The following SCNN1B variants were observed in gnomAD, a reference collection of about 807,000 sequenced individuals.
SCNN1B encodes sodium channel epithelial 1 subunit beta.
Under a neutral mutation model 65.3 loss-of-function variants are expected in SCNN1B, and 46 were observed. That is an observed-to-expected ratio of 0.70 (90% CI 0.56 to 0.90). The LOEUF (loss-of-function observed/expected upper bound fraction) is 0.90. SCNN1B is among the 40% of genes least tolerant of loss of function. SCNN1B has a pLI of 0.00. For synonymous variants in SCNN1B, 349 were observed against 330.6 expected (o/e 1.06, Z -0.60); for missense variants, 751 against 830.5 (o/e 0.90, Z 1.18).
chr16:23,371,976 G>A, intron 7 of SCNN1B, 93 bp downstream of exon 7: 1 of 971,890 alleles, frequency 1.0e-6, no homozygotes, highest in Non-Finnish European at 1.7e-6. Flanking sequence ...GCCCCAGCAA[G>A]TCTGGCTCTG....
chr16:23,316,115 ATCACCACCATCACTATCC>A (rs1961452888), intron 1 of SCNN1B, among the ~76,000 whole-genome samples: 1 of 148,070 alleles, frequency 6.8e-6, no homozygotes, highest in Non-Finnish European at 1.5e-5. Context: ...CATTATCACC[ATCACCACCATCACTATCC>A]TCACCACCAT....
At chr16:23,309,500 C>T (rs1961294844) in intron 1 of SCNN1B, among the ~76,000 whole-genome samples, 1 of 152,156 alleles carries the variant, frequency 6.6e-6, no homozygotes, top group African/African-American at 2.4e-5. Flanking sequence ...CAAGGTCCCA[C>T]AATAGGCTGT....
At position 23,371,765 on chromosome 16, in the gene SCNN1B, T is replaced by A. The variant is rs758879922; in HGVS notation, c.1045-11T>A. 1 of 1,611,272 alleles carries A rather than the reference T, an allele frequency of 6.2e-7. No individual in the cohort carries two copies. Among genetic ancestry groups the A allele is most frequent in the East Asian group, 2.2e-5 (1 of 44,864 alleles). ...ACCAGTGTCCCCCTCAAGCAACCCC[T>A]CTAAACACAGGACAAGCTTCAGCGC... On this transcript the variant is annotated splice_polypyrimidine_tract_variant and intron_variant, in intron 6 of 12. Transcript: ENST00000343070.
intron 2 of SCNN1B, among the ~76,000 whole-genome samples, chr16:23,351,987 A>T (rs919067217): frequency 6.6e-6 from 1 of 152,134 alleles, no homozygotes; most frequent in Non-Finnish European, 1.5e-5. Context: ...AAATCACACC[A>T]ACTCCTGGAG....
chr16:23,341,221 A>G (rs1205698136), intron 1 of SCNN1B, among the ~76,000 whole-genome samples: 2 of 152,222 alleles, frequency 1.3e-5, no homozygotes, highest in African/African-American at 2.4e-5. Flanking sequence ...GGGAGAAAGA[A>G]TAGTCTGGGT....
chr16:23,367,051 A>G (rs1394621841), intron 4 of SCNN1B, among the ~76,000 whole-genome samples: 2 of 152,122 alleles, frequency 1.3e-5, no homozygotes, highest in South Asian at 2.1e-4. Flanking sequence ...TCAGTCTTCA[A>G]TGAGCTTCTC....
chr16:23,318,726 C>G (rs1321717755), intron 1 of SCNN1B, among the ~76,000 whole-genome samples: 2 of 152,236 alleles, frequency 1.3e-5, no homozygotes, highest in African/African-American at 4.8e-5. Context: ...AAGCTAAGCA[C>G]AGTGCCTGCT....
intron 2 of SCNN1B, among the ~76,000 whole-genome samples, chr16:23,350,963 G>A (rs1008258301): frequency 3.3e-5 from 5 of 152,062 alleles, no homozygotes; most frequent in African/African-American, 1.2e-4. Flanking sequence ...GACTGGGCAC[G>A]GGCACAGTGG....
At chr16:23,365,792 G>T (rs1314918733) in intron 4 of SCNN1B, among the ~76,000 whole-genome samples, 1 of 152,194 alleles carries the variant, frequency 6.6e-6, no homozygotes, top group African/African-American at 2.4e-5. Context: ...GTTTCTTCCT[G>T]CTTCCCCTTG....
intron 1 of SCNN1B, among the ~76,000 whole-genome samples, chr16:23,307,416 T>C (rs2141982044): frequency 6.7e-6 from 1 of 149,926 alleles, no homozygotes; most frequent in East Asian, 2.0e-4. Context: ...ACTTCCCGGG[T>C]TCAAGTGATG....
At chr16:23,357,087 C>T (rs576313143) in intron 4 of SCNN1B, among the ~76,000 whole-genome samples, 113 of 152,338 alleles carry the variant, frequency 7.4e-4, no homozygotes, top group African/African-American at 2.5e-3. Flanking sequence ...ATGGTATCCT[C>T]CTTGATCTGG....
At chr16:23,360,097 G>A (rs1445094417) in intron 4 of SCNN1B, among the ~76,000 whole-genome samples, 1 of 152,034 alleles carries the variant, frequency 6.6e-6, no homozygotes, top group East Asian at 1.9e-4. Context: ...CAGCTACTCG[G>A]GAGGCTGAGG....
intron 2 of SCNN1B, among the ~76,000 whole-genome samples, chr16:23,294,416 CA>C (rs1404792563): frequency 3.3e-5 from 5 of 151,882 alleles, no homozygotes; most frequent in Admixed American, 3.3e-4. Flanking sequence ...ACAAAGAGAC[CA>C]AAGTCCCTAC....
intron 1 of SCNN1B, among the ~76,000 whole-genome samples, chr16:23,318,035 G>T (rs1031575327): frequency 6.6e-6 from 1 of 152,212 alleles, no homozygotes; most frequent in African/African-American, 2.4e-5. Flanking sequence ...AAGGTTGAGT[G>T]TAAATGCCAA....
At chr16:23,286,959 T>G (rs1311610899) in intron 2 of SCNN1B, among the ~76,000 whole-genome samples, 1 of 151,714 alleles carries the variant, frequency 6.6e-6, no homozygotes, top group Non-Finnish European at 1.5e-5. Flanking sequence ...TTTTTGTTGT[T>G]GTTGTTGTTG....
intron 1 of SCNN1B, among the ~76,000 whole-genome samples, chr16:23,279,023 T>C (rs866862936): frequency 6.6e-6 from 1 of 150,414 alleles, no homozygotes; most frequent in African/African-American, 2.4e-5. Flanking sequence ...AGGGGGCGGG[T>C]GTTGAAAAAA....
At chr16:23,351,495 G>T (rs1225560677) in intron 2 of SCNN1B, among the ~76,000 whole-genome samples, 5 of 152,154 alleles carry the variant, frequency 3.3e-5, no homozygotes, top group Non-Finnish European at 7.4e-5. Context: ...CCATCCTCCT[G>T]TTCCTGTGTA....
At chr16:23,359,310 G>A (rs182287931) in intron 4 of SCNN1B, 1 of 152,364 alleles carries the variant, frequency 6.6e-6, no homozygotes, top group Non-Finnish European at 1.5e-5. Context: ...AGAGCTAGCA[G>A]TCTGGGCCAG....
intron 2 of SCNN1B, among the ~76,000 whole-genome samples, chr16:23,285,308 G>A (rs1960834460): frequency 6.6e-6 from 1 of 152,064 alleles, no homozygotes. Context: ...CAGTAGCTGG[G>A]ACTACAGGTG....
Sources: allele counts gnomAD v4.1 joint callset (sites outside exome capture counted in the v4.1 genomes callset), GRCh38; gene constraint gnomAD v4.1.1; transcripts MANE v1.5; gene names NCBI Gene and HGNC (gene_info 2026-07-23, HGNC 2026-07-21).